Variants in NR3C1 observed in about 807,000 individuals in gnomAD.
The protein encoded by NR3C1 is nuclear receptor subfamily 3 group C member 1.
NR3C1 carries 14 observed loss-of-function variants against 74.0 expected under a neutral mutation model. The observed-to-expected ratio is 0.19, with a 90% CI of 0.12 to 0.30. NR3C1 has a LOEUF of 0.30. NR3C1 is among the 10% of genes least tolerant of loss of function. The pLI is 1.00. For synonymous variants in NR3C1, 308 were observed against 332.5 expected, an observed-to-expected ratio of 0.93 and a Z score of 0.80; for missense variants, 695 against 909.8, an observed-to-expected ratio of 0.76 and a Z score of 3.04.
upstream of NR3C1, chr5:143,403,928 G>T: frequency 1.0e-6 from 1 of 983,626 alleles, no homozygotes. Context: ...GCCGCGCTTC[G>T]CCCCCCGCCC....
intron 2 of NR3C1, among the ~76,000 whole-genome samples, chr5:143,385,531 A>C (rs1239368266): frequency 1.3e-5 from 2 of 152,256 alleles, no homozygotes; most frequent in Non-Finnish European, 2.9e-5. Flanking sequence ...GCCAGGCCAC[A>C]TATTGAATGC....
intron 6 of NR3C1, 28 bp downstream of exon 6, chr5:143,298,640 C>T (rs72481847): frequency 1.0e-5 from 16 of 1,605,400 alleles, no homozygotes; most frequent in Middle Eastern, 1.7e-4. Context: ...CCTATGAATA[C>T]AGGGAAAATG....
chr5:143,340,224 C>T (rs1827919505), intron 2 of NR3C1, among the ~76,000 whole-genome samples: 1 of 152,092 alleles, frequency 6.6e-6, no homozygotes, highest in African/African-American at 2.4e-5. Context: ...AAATATCTGA[C>T]TAAATGGAGA....
upstream of NR3C1, chr5:143,404,137 CG>C: frequency 1.0e-6 from 1 of 985,394 alleles, no homozygotes; most frequent in African/African-American, 1.7e-5. Context: ...AGTGCCCCTG[CG>C]GGTGACAGCG....
At position 143,385,106 on chromosome 5, in the gene NR3C1, C is replaced by G. The variant is rs921818589; in HGVS notation, c.1184+14550G>C. On this transcript the variant is annotated intron_variant, in intron 2 of 8. Transcript: ENST00000394464. ...TTGAGGCTTACCCCCTCTGAAGCAA[C>G]AGCCCAAGATTATCTCCTGGCCCCT... Among the ~76,000 whole-genome samples the G allele has an allele frequency of 3.3e-5, 5 of 152,234 alleles. No individual in the cohort carries two copies. In the South Asian group the frequency reaches 6.2e-4, roughly 19 times the overall value.
At chr5:143,390,615 A>T (rs1340194229) in intron 2 of NR3C1, among the ~76,000 whole-genome samples, 11 of 152,182 alleles carry the variant, frequency 7.2e-5, no homozygotes, top group Admixed American at 2.0e-4. Context: ...TGTTATCATA[A>T]AGTTCCTTAA....
chr5:143,390,777 C>A lies in NR3C1; in HGVS notation c.1184+8879G>T, dbSNP rs1189329434. Among the ~76,000 whole-genome samples the A allele has an allele frequency of 5.3e-5, 8 of 152,088 alleles. No homozygotes were observed. The South Asian group carries it at 1.0e-3, about 20-fold the overall frequency. On this transcript the variant is annotated intron_variant, in intron 2 of 8. Coordinates refer to ENST00000394464, the MANE Select transcript of NR3C1 (RefSeq NM_000176.3). ...TATCTATGTGGGCTCTTTTAAAAACCCTCAAAGAAAATAAATGTTATCATT... is the reference window on the plus strand; with the variant it reads ...TATCTATGTGGGCTCTTTTAAAAACACTCAAAGAAAATAAATGTTATCATT...
Position 143,397,095 on chromosome 5 carries a change from C to T in NR3C1, c.1184+2561G>A, listed in dbSNP as rs141341424. The stretch of plus-strand genomic sequence containing the variant: ...CTCAATCATAATATTCATAATTTTA[C>T]AATTTTATGTGATAATTCAATGTTG... On this transcript the variant is annotated intron_variant, in intron 2 of 8. Coordinates refer to ENST00000394464, the MANE Select transcript of NR3C1 (RefSeq NM_000176.3). 4.6e-5 allele frequency among the ~76,000 whole-genome samples: 7 copies of T among 151,812 alleles called. 1 individual carries two copies. In the East Asian group the frequency reaches 1.3e-3, roughly 29 times the overall value.
chr5:143,323,780 GGGGGGCA>G (rs1823929579), intron 2 of NR3C1, among the ~76,000 whole-genome samples: 1 of 152,100 alleles, frequency 6.6e-6, no homozygotes. Context: ...CCGGAGGGAT[GGGGGGCA>G]GGGGGTAGGG....
intron 2 of NR3C1, among the ~76,000 whole-genome samples, chr5:143,356,709 ATGT>A (rs796799843): frequency 2.6e-5 from 4 of 152,142 alleles, no homozygotes; most frequent in African/African-American, 7.2e-5. Flanking sequence ...ACACACGCAA[ATGT>A]TGTCACATTA....
chr5:143,303,221 G>A (rs1278924939), intron 4 of NR3C1, among the ~76,000 whole-genome samples: 1 of 122,226 alleles, frequency 8.2e-6, no homozygotes, highest in African/African-American at 3.1e-5. Flanking sequence ...AAAAAATCTA[G>A]GGTTTATGTG....
chr5:143,378,056 C>G (rs1835527252), intron 2 of NR3C1, among the ~76,000 whole-genome samples: 1 of 151,542 alleles, frequency 6.6e-6, no homozygotes, highest in Non-Finnish European at 1.5e-5. Context: ...GTGAGACCAG[C>G]CTGGGCAACA....
chr5:143,400,877 G>A (rs1840143152), intron 1 of NR3C1, 25 bp from the exon 2 acceptor site: 1 of 1,547,670 alleles, frequency 6.5e-7, no homozygotes, highest in Non-Finnish European at 8.9e-7. Context: ...ACAAAAACGG[G>A]GGGAAAACAT....
At chr5:143,356,827 C>T (rs1018713600) in intron 2 of NR3C1, among the ~76,000 whole-genome samples, 1 of 152,070 alleles carries the variant, frequency 6.6e-6, no homozygotes, top group African/African-American at 2.4e-5. Context: ...CTTTTAAGAG[C>T]CCAAATGAGA....
intron 1 of NR3C1, among the ~76,000 whole-genome samples, chr5:143,425,395 G>T (rs937149059): frequency 6.6e-6 from 1 of 152,188 alleles, no homozygotes. Context: ...TTCAAAAGAC[G>T]TTGTGAAGAA....
intron 2 of NR3C1, among the ~76,000 whole-genome samples, chr5:143,362,318 T>A (rs944298686): frequency 6.6e-6 from 1 of 151,902 alleles, no homozygotes; most frequent in South Asian, 2.1e-4. Context: ...TCCACATTCC[T>A]GGTATGAAAG....
At chr5:143,288,658 T>A (rs528671978) in intron 7 of NR3C1, among the ~76,000 whole-genome samples, 1 of 151,788 alleles carries the variant, frequency 6.6e-6, no homozygotes, top group Non-Finnish European at 1.5e-5. Context: ...TTTTGTGTAG[T>A]GACAGGGTTT....
chr5:143,397,997 C>T (rs920101886), intron 2 of NR3C1, among the ~76,000 whole-genome samples: 2 of 151,646 alleles, frequency 1.3e-5, no homozygotes, highest in Admixed American at 1.3e-4. Flanking sequence ...ATTAATAATC[C>T]CCAAGAGTTT....
rs61752285 is a variant in NR3C1, at chr5:143,320,264, C to T, written c.1185-6096G>A. 2.1e-4 allele frequency among the ~76,000 whole-genome samples: 32 copies of T among 152,302 alleles called. 1 individual carries two copies. Among genetic ancestry groups the T allele is most frequent in the African/African-American group, 7.7e-4 (32 of 41,580 alleles). ...TCTGTTAAATGGTTTTAGCAGAACA[C>T]ATTTTATCTTATTTAACAAGCCAAA... On this transcript the variant is annotated intron_variant, in intron 2 of 8. Coordinates refer to ENST00000394464, the MANE Select transcript of NR3C1 (RefSeq NM_000176.3).
Sources: gnomAD v4.1 joint callset for allele counts (sites outside exome capture counted in the v4.1 genomes callset) on GRCh38, gnomAD v4.1.1 for gene constraint, MANE v1.5 for transcripts, NCBI Gene and HGNC (gene_info 2026-07-23, HGNC 2026-07-21) for gene names.